PLEKHM2: variants seen among roughly 807,000 people sequenced by gnomAD.
PLEKHM2 encodes pleckstrin homology and RUN domain containing M2.
Under a neutral mutation model 116.3 loss-of-function variants are expected in PLEKHM2, and 77 were observed. The ratio of observed to expected loss-of-function variants is 0.66; its 90% CI spans 0.55 to 0.80. The LOEUF (loss-of-function observed/expected upper bound fraction) is 0.80, where lower values mean the gene tolerates loss of function less well. Among genes scored for constraint, PLEKHM2 ranks in the 30% least tolerant of loss-of-function variants. The probability of loss-of-function intolerance (pLI) is 0.00; values close to 1 mark genes in which losing one functional copy is unlikely to be tolerated. For missense variants in PLEKHM2, 1,183 were observed against 1,354.9 expected (o/e 0.87, Z 1.99); for synonymous variants, 562 against 571.0 (o/e 0.98, Z 0.22).
Position 15,728,969 on chromosome 1 carries a change from C to A in PLEKHM2, c.1987-133C>A. 1.1e-6 allele frequency: 1 copy of A among 872,348 alleles called. No homozygotes were observed. Among genetic ancestry groups the A allele is most frequent in the Admixed American group, 2.1e-5 (1 of 47,794 alleles). The allele number at this position is 872,348 out of a possible 1,614,324, so 54.0% of individuals were successfully genotyped here. On this transcript the variant is annotated intron_variant, in intron 12 of 19. Coordinates refer to ENST00000375799, the MANE Select transcript of PLEKHM2 (RefSeq NM_015164.4). The surrounding 1 kb of genome is among the most constrained non-coding windows in gnomAD (Gnocchi z 5.9). ...TCCCTCACTCATGCCAGCCCCTGGC[C>A]TCTGGGGCTTTACTTGGTGGTGGCC...
At position 15,725,466 on chromosome 1, in the gene PLEKHM2, G is replaced by A. The variant is rs764750661; in HGVS notation, c.862G>A (p.Val288Met). The A allele has an allele frequency of 1.2e-5, 19 of 1,578,164 alleles. No individual in the cohort carries two copies. The highest frequency in any genetic ancestry group is 5.4e-5 in the African/African-American group (4 of 73,766). ...ETVSSSDTTP[V>M]HTTSQEKEEA... ...TGTGTCCTCCTCTGACACCACCCCC[G>A]TGCACACCACCTCTCAGGAGAAGGA... The change falls in exon 8 of 20, where the codon GTG becomes ATG. Residue 288 changes from valine to methionine, a missense_variant. By Grantham distance (21) the Val-to-Met change is conservative. Transcript: ENST00000375799.
chr1:15,697,702 C>A (rs1183800330), intron 1 of PLEKHM2, among the ~76,000 whole-genome samples: 2 of 152,198 alleles, frequency 1.3e-5, no homozygotes, highest in Non-Finnish European at 2.9e-5. Context: ...CTCACTCTGT[C>A]ACCCAGACTG....
intron 16 of PLEKHM2, 30 bp downstream of exon 16, chr1:15,731,287 C>G: frequency 6.6e-7 from 1 of 1,522,090 alleles, no homozygotes; most frequent in Non-Finnish European, 9.0e-7. Flanking sequence ...CGGGTGTATC[C>G]TGGGGCCCAG....
In PLEKHM2 at chr1:15,732,644, G is replaced by A. The variant is rs188910942; in HGVS notation, c.2838G>A (p.Pro946=). 1.8e-5 allele frequency: 29 copies of A among 1,607,384 alleles called. No homozygotes were observed. Among genetic ancestry groups the A allele is most frequent in the Non-Finnish European group, 2.0e-5 (23 of 1,177,054 alleles). The change falls in exon 19 of 20, where the codon CCG becomes CCA. Residue 946 remains proline (P), a synonymous_variant. Transcript: ENST00000375799. ...CCCAGGACAGCCAGCAGCTCCTCCC[G>A]CCCTGGGTCATCTACCTGAGCTGCA... ...EFSQDSQQLL[P]PWVIYLSCTS... is the part of the protein sequence containing the mutation.
At position 15,728,809 on chromosome 1, in the gene PLEKHM2, G is replaced by A. The variant is rs1388631413; in HGVS notation, c.1986+76G>A. 1 of 1,309,876 alleles carries A rather than the reference G, an allele frequency of 7.6e-7. No individual in the cohort carries two copies. The highest frequency in any genetic ancestry group is 1.5e-5 in the African/African-American group (1 of 68,384). 81.1% of individuals were successfully genotyped at this position (1,309,876 alleles called of 1,614,324 possible). A position where few individuals can be genotyped will look rare whatever the true frequency, so the allele number is the denominator to read the frequency against. ...AAGCCACTTACCCATAGAACTGCAG[G>A]GCGAGGCACGGCCCCTTACTCCCCT... On this transcript the variant is annotated intron_variant, in intron 12 of 19. Coordinates refer to ENST00000375799, the MANE Select transcript of PLEKHM2 (RefSeq NM_015164.4). This position sits in a 1 kb window ranked among gnomAD's most constrained non-coding sequence, Gnocchi z 5.9.
chr1:15,708,306 T>C (rs553712958), intron 1 of PLEKHM2, among the ~76,000 whole-genome samples: 11 of 151,180 alleles, frequency 7.3e-5, no homozygotes, highest in African/African-American at 2.4e-4. Flanking sequence ...AACCTCCACC[T>C]CCCTGGTTCA....
rs527529996 is a variant in PLEKHM2 at position 15,702,186 on chromosome 1, G to C, written c.61-14051G>C. ...TGTGAGTAGAATTCCCAGACGCAAG[G>C]TGGGCAGTGGCATGTCACTTTCCAT... is the stretch of plus-strand genomic sequence containing the variant. On this transcript the variant is annotated intron_variant, in intron 1 of 19. Coordinates refer to ENST00000375799, the MANE Select transcript of PLEKHM2 (RefSeq NM_015164.4). 2.0e-5 allele frequency among the ~76,000 whole-genome samples: 3 copies of C among 152,316 alleles called. No homozygotes were observed. The South Asian group carries it at 6.2e-4, about 32-fold the overall frequency.
chr1:15,687,989 A>G (rs1640806893), intron 1 of PLEKHM2, among the ~76,000 whole-genome samples: 1 of 152,230 alleles, frequency 6.6e-6, no homozygotes, highest in East Asian at 1.9e-4. Context: ...TTTTTATGAA[A>G]ATGAAGCATG....
intron 1 of PLEKHM2, among the ~76,000 whole-genome samples, chr1:15,694,763 T>G (rs985731923): frequency 3.3e-5 from 5 of 151,860 alleles, no homozygotes; most frequent in Middle Eastern, 3.4e-3. Flanking sequence ...TTTGTTTTTT[T>G]TTTTTGTTTT....
At position 15,714,388 on chromosome 1, in the gene PLEKHM2, C is replaced by T. The variant is rs75373792; in HGVS notation, c.61-1849C>T. 4.6e-3 allele frequency among the ~76,000 whole-genome samples: 674 copies of T among 145,754 alleles called. 25 individuals are homozygous for T. The East Asian group carries it at 0.087, about 19-fold the overall frequency. On this transcript the variant is annotated intron_variant, in intron 1 of 19. Transcript: ENST00000375799. ...AAAAAAAGCTCTACCCCAGTGTGGTCGTACTTAATACTGAAGTGTGCAGTA... is the reference window on the plus strand; with the variant it reads ...AAAAAAAGCTCTACCCCAGTGTGGTTGTACTTAATACTGAAGTGTGCAGTA...
rs780601838 is a variant in PLEKHM2, at chr1:15,730,446, A to AG, written c.2209-85dup. On this transcript the variant is annotated intron_variant, in intron 14 of 19. Transcript: ENST00000375799. ...GACAGAGCGAGACTCCATCTCAAAA[A>AG]GAAAAAAAAAGAACCAGTCCGGGCT... 1,534 of 899,128 alleles carry AG rather than the reference A, an allele frequency of 1.7e-3. 4 individuals carry two copies. The highest frequency in any genetic ancestry group is 2.2e-3 in the Non-Finnish European group (1,423 of 641,114). The allele number at this position is 899,128 out of a possible 1,614,324, so 55.7% of individuals were successfully genotyped here.
intron 3 of PLEKHM2, among the ~76,000 whole-genome samples, chr1:15,717,571 G>T (rs1641471493): frequency 1.3e-5 from 2 of 152,232 alleles, no homozygotes; most frequent in African/African-American, 4.8e-5. Flanking sequence ...ATCCCAGCCT[G>T]AGCACGTGCT....
At chr1:15,724,477 G>A (rs566061291) in intron 7 of PLEKHM2, among the ~76,000 whole-genome samples, 6 of 148,894 alleles carry the variant, frequency 4.0e-5, no homozygotes, top group South Asian at 4.2e-4. Context: ...GAGAGACTCC[G>A]TCTCAAAAAA....
In PLEKHM2 at chr1:15,726,897, C is replaced by T. The variant is rs530145610; in HGVS notation, c.942-117C>T. 2.8e-4 allele frequency: 180 copies of T among 649,842 alleles called. 4 individuals carry two copies. The highest frequency in any genetic ancestry group is 3.9e-4 in the Admixed American group (12 of 30,584). 40.3% of individuals were successfully genotyped at this position (649,842 alleles called of 1,614,324 possible). A position where few individuals can be genotyped will look rare whatever the true frequency, so the allele number is the denominator to read the frequency against. On this transcript the variant is annotated intron_variant, in intron 8 of 19. Transcript: ENST00000375799. ...ACCCAGCACTGCCTAGGACCACTGACGCACTAGCTGTGCCCTCAGAGGCTA... is the reference window on the plus strand; with the variant it reads ...ACCCAGCACTGCCTAGGACCACTGATGCACTAGCTGTGCCCTCAGAGGCTA...
chr1:15,707,362 G>T (rs1641247244), intron 1 of PLEKHM2, among the ~76,000 whole-genome samples: 1 of 152,120 alleles, frequency 6.6e-6, no homozygotes, highest in Non-Finnish European at 1.5e-5. Flanking sequence ...GAGCCCGGTA[G>T]GTTGAGGCTG....
chr1:15,733,615 T>C (rs1429868249), intron 19 of PLEKHM2, among the ~76,000 whole-genome samples, 182 bp from the exon 20 acceptor site: 1 of 152,190 alleles, frequency 6.6e-6, no homozygotes, highest in Non-Finnish European at 1.5e-5. Flanking sequence ...CACCCCATCC[T>C]CAGCTCAAGC....
intron 4 of PLEKHM2, among the ~76,000 whole-genome samples, 159 bp downstream of exon 4, chr1:15,718,151 C>CT (rs1234378044): frequency 6.6e-6 from 1 of 152,228 alleles, no homozygotes; most frequent in Non-Finnish European, 1.5e-5. Context: ...CCAGGAGCAC[C>CT]GGTGTCCCAT....
At position 15,728,409 on chromosome 1, in the gene PLEKHM2, G is replaced by A; in HGVS notation, c.1921+52G>A. 4 of 1,516,140 alleles carry A rather than the reference G, an allele frequency of 2.6e-6. No individual in the cohort carries two copies. Among genetic ancestry groups the A allele is most frequent in the Non-Finnish European group, 3.6e-6 (4 of 1,102,928 alleles). The allele number at this position is 1,516,140 out of a possible 1,614,324, so 93.9% of individuals were successfully genotyped here. A position where few individuals can be genotyped will look rare whatever the true frequency, so the allele number is the denominator to read the frequency against. On this transcript the variant is annotated intron_variant, in intron 11 of 19. Coordinates refer to ENST00000375799, the MANE Select transcript of PLEKHM2 (RefSeq NM_015164.4). This position sits in a 1 kb window ranked among gnomAD's most constrained non-coding sequence, Gnocchi z 5.9. ...GGGTTGTAGACGAGGCTGACTCTCA[G>A]CCCCTTTTCCCCAGTCCCCTTGCCC...
chr1:15,718,405 T>A lies in PLEKHM2; in HGVS notation c.378-133T>A, dbSNP rs1641488406. On this transcript the variant is annotated intron_variant, in intron 4 of 19. Coordinates refer to ENST00000375799, the MANE Select transcript of PLEKHM2 (RefSeq NM_015164.4). ...CGCTGAGAGGGTGGTGGGCAACAGC[T>A]ATATCAAGCTGGGTGCCGTCCAAGG... 13 of 654,732 alleles carry A rather than the reference T, an allele frequency of 2.0e-5. No homozygotes were observed. In the Middle Eastern group the frequency reaches 8.1e-4, roughly 41 times the overall value. The allele number at this position is 654,732 out of a possible 1,614,324, so 40.6% of individuals were successfully genotyped here.
Sources: gnomAD v4.1 joint callset for allele counts (sites outside exome capture counted in the v4.1 genomes callset) on GRCh38, gnomAD v4.1.1 for gene constraint, Gnocchi (gnomAD v3.1) non-coding constraint, MANE v1.5 for transcripts, NCBI Gene and HGNC (gene_info 2026-07-23, HGNC 2026-07-21) for gene names.